The following USH1G variants were observed in gnomAD, a reference collection of about 807,000 sequenced individuals.
USH1G encodes pre-mRNA splicing regulator USH1G.
A neutral mutation model predicts 31.9 loss-of-function variants in USH1G; 27 were observed. That is an observed-to-expected ratio of 0.85 (90% CI 0.62 to 1.17). The LOEUF (loss-of-function observed/expected upper bound fraction) is 1.17, where lower values mean the gene tolerates loss of function less well. USH1G is among the 50% of genes most tolerant of loss of function. USH1G has a pLI of 0.00. For missense variants in USH1G, 674 were observed against 638.9 expected, an observed-to-expected ratio of 1.05 and a Z score of -0.59; for synonymous variants, 266 against 283.2, an observed-to-expected ratio of 0.94 and a Z score of 0.61.
In USH1G at chr17:74,918,224, A is replaced by T. The variant is rs1222112133; in HGVS notation, c.1383-148T>A. The T allele has an allele frequency of 1.2e-5, 13 of 1,078,824 alleles. No homozygotes were observed. In the Admixed American group the frequency reaches 2.7e-4, roughly 22 times the overall value. The allele number at this position is 1,078,824 out of a possible 1,614,324, so 66.8% of individuals were successfully genotyped here. A position where few individuals can be genotyped will look rare whatever the true frequency, so the allele number is the denominator to read the frequency against. ...GATGGGGGACGCCAGCCTATGGGTGACCTCCCCATCCCCAAAACTCTGAAC... is the reference window on the plus strand; with the variant it reads ...GATGGGGGACGCCAGCCTATGGGTGTCCTCCCCATCCCCAAAACTCTGAAC... On this transcript the variant is annotated intron_variant, in intron 2 of 2. Transcript: ENST00000614341. This position sits in a 1 kb window ranked among gnomAD's most constrained non-coding sequence, Gnocchi z 4.1.
chr17:74,919,744 C>G lies in USH1G; in HGVS notation c.1092G>C (p.Gln364His), dbSNP rs1438989553. The G allele has an allele frequency of 6.2e-7, 1 of 1,612,994 alleles. No homozygotes were observed. The highest frequency in any genetic ancestry group is 1.7e-5 in the Admixed American group (1 of 60,030). ...GCAGCTCCTCCCCACAGCTGCGGTC[C>G]TGCAGGCTGTTGGCACTGCCCAGGC... ...DDSLGSANSL[Q>H]DRSCGEELPW... The change falls in exon 2 of 3, where the codon CAG (glutamine) becomes CAC (histidine). Residue 364 changes from glutamine (Q) to histidine (H), a missense_variant. By Grantham distance (24) the Gln-to-His change is conservative. Transcript: ENST00000614341. This position sits in a 1 kb window ranked among gnomAD's most constrained non-coding sequence, Gnocchi z 4.5.
rs761576510 is a variant in USH1G, at chr17:74,919,690, G to A, written c.1146C>T (p.Asp382=). The change falls in exon 2 of 3, where the codon GAC becomes GAT. Residue 382 remains aspartate (D), a synonymous_variant. Transcript: ENST00000614341. This position sits in a 1 kb window ranked among gnomAD's most constrained non-coding sequence, Gnocchi z 4.5. ...LPWDELDLGL[D]EDLEPETSPL... ...GGCTAGTCTCGGGCTCCAGGTCCTC[G>A]TCCAAGCCTAAATCGAGCTCATCCC... 2.5e-6 allele frequency: 4 copies of A among 1,612,834 alleles called. No homozygotes were observed. The highest frequency in any genetic ancestry group is 2.2e-5 in the South Asian group (2 of 91,078).
chr17:74,922,095 A>C (rs1049450844), intron 1 of USH1G, among the ~76,000 whole-genome samples: 1 of 152,160 alleles, frequency 6.6e-6, no homozygotes, highest in African/African-American at 2.4e-5. Flanking sequence ...ACTTCTCTTT[A>C]TAAAGCCACT....
chr17:74,920,322 G>C lies in USH1G; in HGVS notation c.514C>G (p.Arg172Gly), dbSNP rs199941325. 1.2e-6 allele frequency: 2 copies of C among 1,608,482 alleles called. No individual in the cohort carries two copies. Among genetic ancestry groups the C allele is most frequent in the East Asian group, 2.2e-5 (1 of 44,812 alleles). ...ERRYRRELAE[R>G]SDTLSFSSLT... is the part of the protein sequence containing the mutation. ...CTGGAGAAGCTGAGGGTGTCGGAAC[G>C]CTCGGCCAGCTCGCGCCGGTATCGC... The change falls in exon 2 of 3, where the codon CGT becomes GGT. Residue 172 changes from arginine to glycine, a missense_variant. Transcript: ENST00000614341. This position sits in a 1 kb window ranked among gnomAD's most constrained non-coding sequence, Gnocchi z 5.2.
In USH1G at chr17:74,921,827, C is replaced by A. The variant is rs1274049554; in HGVS notation, c.164+1083G>T. On this transcript the variant is annotated intron_variant, in intron 1 of 2. Transcript: ENST00000614341. The surrounding 1 kb of genome is among the most constrained non-coding windows in gnomAD (Gnocchi z 4.6). The stretch of plus-strand genomic sequence containing the variant: ...GTGCCCTCCTGGGGTGGGGAAGGGC[C>A]AGCCAGCCTTGGCCTCACGGGACAT... Among the ~76,000 whole-genome samples, 1 of 152,114 alleles carries A rather than the reference C, an allele frequency of 6.6e-6. No individual in the cohort carries two copies. The highest frequency in any genetic ancestry group is 1.5e-5 in the Non-Finnish European group (1 of 68,004).
In USH1G at chr17:74,921,777, G is replaced by A. The variant is rs938198835; in HGVS notation, c.165-1106C>T. Among the ~76,000 whole-genome samples, 1 of 152,190 alleles carries A rather than the reference G, an allele frequency of 6.6e-6. No individual in the cohort carries two copies. Among genetic ancestry groups the A allele is most frequent in the African/African-American group, 2.4e-5 (1 of 41,452 alleles). On this transcript the variant is annotated intron_variant, in intron 1 of 2. Transcript: ENST00000614341. The surrounding 1 kb of genome is among the most constrained non-coding windows in gnomAD (Gnocchi z 4.6). ...CCCTCCTCTCATGAGCCTCTCTGAA[G>A]GGATGGCAGGGACAGTGTCACTGTG...
In USH1G at chr17:74,921,632, C is replaced by G. The variant is rs539599476; in HGVS notation, c.165-961G>C. Among the ~76,000 whole-genome samples, 1 of 152,170 alleles carries G rather than the reference C, an allele frequency of 6.6e-6. No individual in the cohort carries two copies. Among genetic ancestry groups the G allele is most frequent in the African/African-American group, 2.4e-5 (1 of 41,424 alleles). The stretch of plus-strand genomic sequence containing the variant: ...CCCTTCCTGGGCCTCCCCTCCTGGC[C>G]GCCAAGTCCTGCAGGCCAGTGTGGG... On this transcript the variant is annotated intron_variant, in intron 1 of 2. Coordinates refer to ENST00000614341, the MANE Select transcript of USH1G (RefSeq NM_173477.5). The surrounding 1 kb of genome is among the most constrained non-coding windows in gnomAD (Gnocchi z 4.6).
At position 74,920,989 on chromosome 17, in the gene USH1G, G is replaced by A. The variant is rs1050504373; in HGVS notation, c.165-318C>T. Among the ~76,000 whole-genome samples, 1 of 152,194 alleles carries A rather than the reference G, an allele frequency of 6.6e-6. No homozygotes were observed. The highest frequency in any genetic ancestry group is 1.5e-5 in the Non-Finnish European group (1 of 68,022). On this transcript the variant is annotated intron_variant, in intron 1 of 2. Coordinates refer to ENST00000614341, the MANE Select transcript of USH1G (RefSeq NM_173477.5). The surrounding 1 kb of genome is among the most constrained non-coding windows in gnomAD (Gnocchi z 5.2). ...ATGAATATTTGATGCCCTGAGAGAA[G>A]GGAGTAAATTATTGATGGGGCCCAG...
In USH1G at chr17:74,920,108, G is replaced by C; in HGVS notation, c.728C>G (p.Ser243Trp). The C allele has an allele frequency of 1.2e-6, 2 of 1,603,266 alleles. No homozygotes were observed. Among genetic ancestry groups the C allele is most frequent in the Non-Finnish European group, 8.5e-7 (1 of 1,179,416 alleles). ...VSEDGRKSAR[S>W]LSGLQLGSDV... The stretch of plus-strand genomic sequence containing the variant: ...GCTGCCCAGCTGCAGGCCCGAGAGC[G>C]AGCGGGCGCTCTTGCGCCCATCCTC... The change falls in exon 2 of 3, where the codon TCG becomes TGG. Residue 243 changes from serine (S) to tryptophan (W), a missense_variant. Physicochemically the swap from Ser to Trp is radical, Grantham distance 177 (BLOSUM62 -3). Coordinates refer to ENST00000614341, the MANE Select transcript of USH1G (RefSeq NM_173477.5). This position sits in a 1 kb window ranked among gnomAD's most constrained non-coding sequence, Gnocchi z 5.2.
chr17:74,923,010 G>A lies in USH1G; in HGVS notation c.64C>T (p.Arg22Ter), dbSNP rs1190479570. ...TCGTCGGGGGCATTCAGCTCCTTTCGGGTGGCCTCCTTGAGGAGCTCCAGG... is the reference window on the plus strand; with the variant it reads ...TCGTCGGGGGCATTCAGCTCCTTTCAGGTGGCCTCCTTGAGGAGCTCCAGG... Reference protein sequence around the residue: ...GYLELLKEATRKELNAPDEDG... With the variant: ...GYLELLKEAT The change falls in exon 1 of 3, where the codon CGA (arginine) becomes TGA (stop). Residue 22 changes from arginine to a stop codon, truncating the protein, a stop_gained. Transcript: ENST00000614341. LOFTEE classifies it high-confidence loss of function. The surrounding 1 kb of genome is among the most constrained non-coding windows in gnomAD (Gnocchi z 5.3). The A allele has an allele frequency of 1.3e-6, 2 of 1,575,810 alleles. No homozygotes were observed. Among genetic ancestry groups the A allele is most frequent in the Non-Finnish European group, 1.7e-6 (2 of 1,159,552 alleles).
In USH1G at chr17:74,918,259, T is replaced by C. The variant is rs1203164584; in HGVS notation, c.1383-183A>G. 2.0e-5 allele frequency among the ~76,000 whole-genome samples: 3 copies of C among 151,932 alleles called. No individual in the cohort carries two copies. Among genetic ancestry groups the C allele is most frequent in the Non-Finnish European group, 2.9e-5 (2 of 67,960 alleles). Reference sequence around the variant, plus strand: ...CCCCAAAACTCTGAACCAGCCTGCCTCCCCACACCCATCCCTGCCCCAGCC... The same window carrying C: ...CCCCAAAACTCTGAACCAGCCTGCCCCCCCACACCCATCCCTGCCCCAGCC... On this transcript the variant is annotated intron_variant, in intron 2 of 2. Coordinates refer to ENST00000614341, the MANE Select transcript of USH1G (RefSeq NM_173477.5). The surrounding 1 kb of genome is among the most constrained non-coding windows in gnomAD (Gnocchi z 4.1).
In USH1G at chr17:74,923,187, G is replaced by A. The variant is rs2038968044; in HGVS notation, c.-114C>T. 3 of 979,656 alleles carry A rather than the reference G, an allele frequency of 3.1e-6. No individual in the cohort carries two copies. The highest frequency in any genetic ancestry group is 3.9e-5 in the Admixed American group (1 of 25,366). The allele number at this position is 979,656 out of a possible 1,614,324, so 60.7% of individuals were successfully genotyped here. Reference sequence around the variant, plus strand: ...TGGAGGACGGGGCCGGGCAGGGGCCGGGGCCGCCAGCCCCCGCTGCCGCAG... The same window carrying A: ...TGGAGGACGGGGCCGGGCAGGGGCCAGGGCCGCCAGCCCCCGCTGCCGCAG... On this transcript the variant is annotated 5_prime_UTR_variant, in exon 1 of 3. Transcript: ENST00000614341. The surrounding 1 kb of genome is among the most constrained non-coding windows in gnomAD (Gnocchi z 5.3).
In USH1G at chr17:74,918,004, G is replaced by A; in HGVS notation, c.*69C>T. ...GGGCTGCAGGGCTGGCAACTGTGAG[G>A]ACCTCGAGACCCCACCATAGGTTGT... On this transcript the variant is annotated 3_prime_UTR_variant, in exon 3 of 3. Coordinates refer to ENST00000614341, the MANE Select transcript of USH1G (RefSeq NM_173477.5). The surrounding 1 kb of genome is among the most constrained non-coding windows in gnomAD (Gnocchi z 4.1). 1 of 1,607,578 alleles carries A rather than the reference G, an allele frequency of 6.2e-7. No homozygotes were observed. The highest frequency in any genetic ancestry group is 1.7e-5 in the Admixed American group (1 of 59,786).
rs533235580 is a variant in USH1G, at chr17:74,920,742, G to A, written c.165-71C>T. ...GGGATGGAGGTGGAGGGAGTGGAGG[G>A]GGGAGGGGAGCTTCCCCACTGTCAC... On this transcript the variant is annotated intron_variant, in intron 1 of 2. Transcript: ENST00000614341. This position sits in a 1 kb window ranked among gnomAD's most constrained non-coding sequence, Gnocchi z 5.2. The A allele has an allele frequency of 1.9e-4, 303 of 1,589,208 alleles. No individual in the cohort carries two copies. The highest frequency in any genetic ancestry group is 2.3e-4 in the Non-Finnish European group (271 of 1,165,602).
rs757653096 is a variant in USH1G at position 74,923,031 on chromosome 17, C to G, written c.43G>C (p.Glu15Gln). 13 of 1,583,794 alleles carry G rather than the reference C, an allele frequency of 8.2e-6. No homozygotes were observed. The highest frequency in any genetic ancestry group is 1.1e-5 in the Non-Finnish European group (13 of 1,163,800). The change falls in exon 1 of 3, where the codon GAG becomes CAG. Residue 15 changes from glutamate to glutamine, a missense_variant. Transcript: ENST00000614341. This position sits in a 1 kb window ranked among gnomAD's most constrained non-coding sequence, Gnocchi z 5.3. ...YHRAARDGYL[E>Q]LLKEATRKEL... ...TTTCGGGTGGCCTCCTTGAGGAGCT[C>G]CAGGTAGCCATCCCGGGCTGCCCGG...
rs775371036 is a variant in USH1G at position 74,920,116 on chromosome 17, G to C, written c.720C>G (p.Ser240Arg). 1.2e-6 allele frequency: 2 copies of C among 1,602,720 alleles called. No individual in the cohort carries two copies. The highest frequency in any genetic ancestry group is 2.7e-5 in the African/African-American group (2 of 74,912). The change falls in exon 2 of 3, where the codon AGC (serine) becomes AGG (arginine). Residue 240 changes from serine (S) to arginine (R), a missense_variant. Coordinates refer to ENST00000614341, the MANE Select transcript of USH1G (RefSeq NM_173477.5). The surrounding 1 kb of genome is among the most constrained non-coding windows in gnomAD (Gnocchi z 5.2). ...GCTGCAGGCCCGAGAGCGAGCGGGCGCTCTTGCGCCCATCCTCGGAGACCT... is the reference window on the plus strand; with the variant it reads ...GCTGCAGGCCCGAGAGCGAGCGGGCCCTCTTGCGCCCATCCTCGGAGACCT... ...TFKVSEDGRK[S>R]ARSLSGLQLG...
chr17:74,919,490 G>T lies in USH1G; in HGVS notation c.1346C>A (p.Ala449Glu). 2.5e-6 allele frequency: 4 copies of T among 1,608,802 alleles called. No homozygotes were observed. Among genetic ancestry groups the T allele is most frequent in the Non-Finnish European group, 3.4e-6 (4 of 1,178,662 alleles). Residue 449 changes from alanine to glutamate, a missense_variant, in exon 2 of 3, where the codon GCG (alanine) becomes GAG (glutamate). Coordinates refer to ENST00000614341, the MANE Select transcript of USH1G (RefSeq NM_173477.5). The surrounding 1 kb of genome is among the most constrained non-coding windows in gnomAD (Gnocchi z 4.5). ...CTCCAGGGCCGGCGGGCGCTCCATC[G>T]CCTGCCGCCGCCTCCTCACGGCCCC... ...ILGAVRRRRQ[A>E]MERPPALEDT...
In USH1G at chr17:74,917,294, C is replaced by G. The variant is rs1055549283; in HGVS notation, c.*779G>C. The G allele has an allele frequency of 6.6e-6, 1 of 152,440 alleles. No individual in the cohort carries two copies. Among genetic ancestry groups the G allele is most frequent in the South Asian group, 2.1e-4 (1 of 4,838 alleles). 9.4% of individuals were successfully genotyped at this position (152,440 alleles called of 1,614,324 possible). ...CCTGCCAGGCCTGGGGGCTATAATA[C>G]TGCAGCCCATTGGTCTAGCACCTTG... On this transcript the variant is annotated 3_prime_UTR_variant, in exon 3 of 3. Coordinates refer to ENST00000614341, the MANE Select transcript of USH1G (RefSeq NM_173477.5).
intron 1 of USH1G, among the ~76,000 whole-genome samples, chr17:74,922,386 A>C (rs1451613585): frequency 6.6e-6 from 1 of 152,142 alleles, no homozygotes; most frequent in Non-Finnish European, 1.5e-5. Context: ...TGAATCAGTG[A>C]CATTTGGCGC....
Sources: gnomAD v4.1 joint callset for allele counts (sites outside exome capture counted in the v4.1 genomes callset) on GRCh38, gnomAD v4.1.1 for gene constraint, Gnocchi (gnomAD v3.1) non-coding constraint, MANE v1.5 for transcripts, NCBI Gene and HGNC (gene_info 2026-07-23, HGNC 2026-07-21) for gene names.